HSPG2: variants seen among roughly 807,000 people sequenced by gnomAD.
HSPG2 encodes heparan sulfate proteoglycan 2.
A neutral mutation model predicts 526.6 loss-of-function variants in HSPG2; 278 were observed. The ratio of observed to expected loss-of-function variants is 0.53; its 90% CI spans 0.48 to 0.58. HSPG2 has a LOEUF of 0.58. Ranked by LOEUF, HSPG2 falls within the 20% of genes least tolerant of loss-of-function variation. The pLI is 0.00. For missense variants in HSPG2, 5,354 were observed against 6,099.5 expected (o/e 0.88, Z 4.07); for synonymous variants, 2,465 against 2,555.4 (o/e 0.96, Z 1.07).
intron 1 of HSPG2, chr1:21,908,193 A>C (rs1197536676): frequency 1.2e-6 from 1 of 858,798 alleles, no homozygotes; most frequent in African/African-American, 1.6e-5. Flanking sequence ...CGTATATGCG[A>C]ATCTATAAGA....
chr1:21,904,744 G>A lies in HSPG2; in HGVS notation c.64-8434C>T, dbSNP rs1643279611. On this transcript the variant is annotated intron_variant, in intron 1 of 96. Transcript: ENST00000374695. This position sits in a 1 kb window ranked among gnomAD's most constrained non-coding sequence, Gnocchi z 4.4. ...GCTGCCCAGCAAGAAGGTCCCTGGG[G>A]GTCGAACACTATCTGCCAGGCACCA... is the stretch of plus-strand genomic sequence containing the variant. Among the ~76,000 whole-genome samples, 1 of 152,176 alleles carries A rather than the reference G, an allele frequency of 6.6e-6. No individual in the cohort carries two copies. The highest frequency in any genetic ancestry group is 6.5e-5 in the Admixed American group (1 of 15,282).
Position 21,858,243 on chromosome 1 carries a change from A to G in HSPG2, c.5294-858T>C, listed in dbSNP as rs1353864075. Among the ~76,000 whole-genome samples, 1 of 152,086 alleles carries G rather than the reference A, an allele frequency of 6.6e-6. No homozygotes were observed. The highest frequency in any genetic ancestry group is 1.5e-5 in the Non-Finnish European group (1 of 68,034). On this transcript the variant is annotated intron_variant, in intron 42 of 96. Coordinates refer to ENST00000374695, the MANE Select transcript of HSPG2 (RefSeq NM_005529.7). The surrounding 1 kb of genome is among the most constrained non-coding windows in gnomAD (Gnocchi z 4.2). ...CTCCAAGGGCTATTTCTCTGCCCTT[A>G]TGTGACTTCCCAGCAGGGAGGCTGC...
chr1:21,838,956 G>A lies in HSPG2; in HGVS notation c.10019C>T (p.Pro3340Leu). The change falls in exon 74 of 97, where the codon CCT (proline) becomes CTT (leucine). Residue 3340 changes from proline (P) to leucine (L), a missense_variant. Transcript: ENST00000374695. ...CTCGTTCCTGGCGGTCGCCCTCCCAGGAAGGCTGCTGCCCACGCGGCTCCA... is the reference window on the plus strand; with the variant it reads ...CTCGTTCCTGGCGGTCGCCCTCCCAAGAAGGCTGCTGCCCACGCGGCTCCA... ...FQWSRVGSSL[P>L]GRATARNELL... 1 of 1,612,768 alleles carries A rather than the reference G, an allele frequency of 6.2e-7. No homozygotes were observed. Among genetic ancestry groups the A allele is most frequent in the Non-Finnish European group, 8.5e-7 (1 of 1,179,244 alleles).
chr1:21,885,469 T>C lies in HSPG2; in HGVS notation c.1079-18A>G. On this transcript the variant is annotated intron_variant, in intron 9 of 96. Coordinates refer to ENST00000374695, the MANE Select transcript of HSPG2 (RefSeq NM_005529.7). ...CTTGGTGGCTGGGGACAAAGCCAGGTGGTTCCCAATAGCCCACCCCGTCCA... is the reference window on the plus strand; with the variant it reads ...CTTGGTGGCTGGGGACAAAGCCAGGCGGTTCCCAATAGCCCACCCCGTCCA... 6.2e-7 allele frequency: 1 copy of C among 1,613,576 alleles called. No homozygotes were observed.
intron 1 of HSPG2, among the ~76,000 whole-genome samples, chr1:21,928,319 C>T (rs949364217): frequency 2.6e-5 from 4 of 152,372 alleles, no homozygotes; most frequent in South Asian, 2.1e-4. Flanking sequence ...GAGAGCATGG[C>T]TGGGCAGGCA....
chr1:21,876,785 G>C, intron 21 of HSPG2, 133 bp from the exon 22 acceptor site: 1 of 1,213,550 alleles, frequency 8.2e-7, no homozygotes, highest in Non-Finnish European at 1.2e-6. Flanking sequence ...GTGGCTGGGC[G>C]CGGTGGCTCA....
intron 1 of HSPG2, among the ~76,000 whole-genome samples, chr1:21,912,929 G>A (rs958856440): frequency 3.3e-5 from 5 of 151,580 alleles, no homozygotes; most frequent in African/African-American, 1.2e-4. Context: ...GCAGTGAGCT[G>A]AGATTGCACC....
chr1:21,874,720 T>G lies in HSPG2; in HGVS notation c.3424A>C (p.Thr1142Pro). ...CCACTGGGCGTGCGTGTGTAGCCTGTGTCACAGTCCTGGGGGCAGAAAGAT... is the reference window on the plus strand; with the variant it reads ...CCACTGGGCGTGCGTGTGTAGCCTGGGTCACAGTCCTGGGGGCAGAAAGAT... ...YRGPSCQDCD[T>P]GYTRTPSGLY... Residue 1142 changes from threonine (T) to proline (P), a missense_variant, in exon 27 of 97, where the codon ACA (threonine) becomes CCA (proline). Thr to Pro is a conservative substitution (Grantham distance 38). Transcript: ENST00000374695. 6.2e-7 allele frequency: 1 copy of G among 1,602,748 alleles called. No individual in the cohort carries two copies. Among genetic ancestry groups the G allele is most frequent in the Non-Finnish European group, 8.5e-7 (1 of 1,174,380 alleles).
chr1:21,870,861 G>A, intron 33 of HSPG2: 1 of 986,346 alleles, frequency 1.0e-6, no homozygotes, highest in Non-Finnish European at 1.2e-6. Flanking sequence ...TCCGCGCAAA[G>A]TACGCCTCCC....
chr1:21,878,709 G>T, intron 18 of HSPG2, 46 bp from the exon 19 acceptor site: 1 of 1,542,858 alleles, frequency 6.5e-7, no homozygotes, highest in Non-Finnish European at 9.0e-7. Flanking sequence ...CTGGGGTCAG[G>T]CTTTCTCCTC....
intron 76 of HSPG2, 75 bp downstream of exon 76, chr1:21,835,465 T>A: frequency 1.1e-6 from 1 of 937,290 alleles, no homozygotes; most frequent in Non-Finnish European, 1.8e-6. Context: ...GGGAACAGGG[T>A]CTGGGCCTTG....
Position 21,847,592 on chromosome 1 carries a change from C to T in HSPG2, c.8025+97G>A, listed in dbSNP as rs776393734. ...CTGCTCAGCCTGTTGAGGCTGCTATCGGTCTACCCAGGGCCCAATCCGTGA... is the reference window on the plus strand; with the variant it reads ...CTGCTCAGCCTGTTGAGGCTGCTATTGGTCTACCCAGGGCCCAATCCGTGA... On this transcript the variant is annotated intron_variant, in intron 61 of 96. Coordinates refer to ENST00000374695, the MANE Select transcript of HSPG2 (RefSeq NM_005529.7). This position sits in a 1 kb window ranked among gnomAD's most constrained non-coding sequence, Gnocchi z 4.1. 3.8e-5 allele frequency: 61 copies of T among 1,604,686 alleles called. No homozygotes were observed. Among genetic ancestry groups the T allele is most frequent in the Non-Finnish European group, 4.9e-5 (57 of 1,173,384 alleles).
At position 21,847,619 on chromosome 1, in the gene HSPG2, A is replaced by AC; in HGVS notation, c.8025+69dup. ...GTCTACCCAGGGCCCAATCCGTGAG[A>AC]CAGGGAGCCTGCTCTGCTCACCCCA... On this transcript the variant is annotated intron_variant, in intron 61 of 96. Transcript: ENST00000374695. This position sits in a 1 kb window ranked among gnomAD's most constrained non-coding sequence, Gnocchi z 4.1. 3.7e-6 allele frequency: 6 copies of AC among 1,605,494 alleles called. No individual in the cohort carries two copies. The South Asian group carries it at 6.6e-5, about 18-fold the overall frequency.
Position 21,875,022 on chromosome 1 carries a change from G to T in HSPG2, c.3303-20C>A. ...GAGACCCTGGGCGTGACAAGACCCAGCGTGAATAGGAGTGCTGGCTCTGTG... is the reference window on the plus strand; with the variant it reads ...GAGACCCTGGGCGTGACAAGACCCATCGTGAATAGGAGTGCTGGCTCTGTG... On this transcript the variant is annotated intron_variant, in intron 25 of 96. Coordinates refer to ENST00000374695, the MANE Select transcript of HSPG2 (RefSeq NM_005529.7). 1 of 1,542,472 alleles carries T rather than the reference G, an allele frequency of 6.5e-7. No homozygotes were observed.
Position 21,873,911 on chromosome 1 carries a change from AC to A in HSPG2, c.3743+13del. On this transcript the variant is annotated intron_variant, in intron 29 of 96. Transcript: ENST00000374695. The stretch of plus-strand genomic sequence containing the variant: ...CTGTGCGCATCCCCCCACCCTCTCC[AC>A]CCCCTGCCTCACCTCTCACAGTGAC... 6.4e-7 allele frequency: 1 copy of A among 1,562,804 alleles called. No homozygotes were observed. Among genetic ancestry groups the A allele is most frequent in the Non-Finnish European group, 8.7e-7 (1 of 1,152,368 alleles).
intron 1 of HSPG2, among the ~76,000 whole-genome samples, chr1:21,926,446 G>A (rs35210982): frequency 0.011 from 1,690 of 152,174 alleles, 20 homozygotes; most frequent in South Asian, 0.025. Context: ...AGGAAAGGGT[G>A]AAGAGCCGTG....
rs1641953094 is a variant in HSPG2, at chr1:21,887,118, A to AT, written c.1078+96_1078+97insA. On this transcript the variant is annotated intron_variant, in intron 9 of 96. Transcript: ENST00000374695. This position sits in a 1 kb window ranked among gnomAD's most constrained non-coding sequence, Gnocchi z 5.0. ...GGGGACTGGGGAGGGGGGAAAGCGG[A>AT]GGGGCAGGGTAGGGGCGGGGCAGGA... 9.8e-7 allele frequency: 1 copy of AT among 1,022,494 alleles called. No homozygotes were observed. The allele number at this position is 1,022,494 out of a possible 1,614,324, so 63.3% of individuals were successfully genotyped here.
In HSPG2 at chr1:21,850,310, G is replaced by C. The variant is rs528450027; in HGVS notation, c.7294+53C>G. ...CTCCTGATCCTGCCGTTGCAAGAGT[G>C]GGGGGCCTCCCACCCTGGGTCCCCA... On this transcript the variant is annotated intron_variant, in intron 56 of 96. Transcript: ENST00000374695. The C allele has an allele frequency of 1.6e-5, 26 of 1,604,874 alleles. 2 individuals are homozygous for C. The African/African-American group carries it at 2.5e-4, about 16-fold the overall frequency.
chr1:21,885,059 T>C lies in HSPG2; in HGVS notation c.1309A>G (p.Ile437Val), dbSNP rs997606306. The C allele has an allele frequency of 3.7e-6, 6 of 1,613,612 alleles. No individual in the cohort carries two copies. Among genetic ancestry groups the C allele is most frequent in the Non-Finnish European group, 5.1e-6 (6 of 1,179,922 alleles). Residue 437 changes from isoleucine to valine, a missense_variant, in exon 11 of 97, where the codon ATC (isoleucine) becomes GTC (valine). Physicochemically the swap from Ile to Val is conservative, Grantham distance 29. Coordinates refer to ENST00000374695, the MANE Select transcript of HSPG2 (RefSeq NM_005529.7). ...CCCCAGTTGAGCCTCCAATTGATGA[T>C]GGGGGTGGGGACGCCAATGGCCACG... Reference protein sequence around the residue: ...TCVAIGVPTPIINWRLNWGHI... With the variant: ...TCVAIGVPTPVINWRLNWGHI...
Sources: gnomAD v4.1 joint callset for allele counts (sites outside exome capture counted in the v4.1 genomes callset) on GRCh38, gnomAD v4.1.1 for gene constraint, Gnocchi (gnomAD v3.1) non-coding constraint, MANE v1.5 for transcripts, NCBI Gene and HGNC (gene_info 2026-07-23, HGNC 2026-07-21) for gene names.